Variants in CT55 observed in about 807,000 individuals in gnomAD.
The protein encoded by CT55 is cancer/testis antigen 55, also known as BRCA2-interacting protein.
In CT55, 1 loss-of-function variant was observed where a neutral mutation model predicts 12.6. The ratio of observed to expected loss-of-function variants is 0.08; its 90% CI spans 0.03 to 0.38. The LOEUF (loss-of-function observed/expected upper bound fraction) is 0.38. Ranked by LOEUF, CT55 falls within the 10% of genes least tolerant of loss-of-function variation. The pLI is 0.99. For synonymous variants in CT55, 43 were observed against 49.7 expected (o/e 0.87, Z 0.57); for missense variants, 109 against 135.4 (o/e 0.80, Z 0.97).
chrX:135,164,063 G>A (rs1260810638), intron 2 of CT55, among the ~76,000 whole-genome samples: 6 of 111,711 alleles, frequency 5.4e-5, no homozygotes, highest in Non-Finnish European at 9.4e-5. Context: ...TCCAACTGAC[G>A]TAAGGGACGC....
intron 3 of CT55, among the ~76,000 whole-genome samples, chrX:135,159,688 A>G (rs1369463370): frequency 9.0e-6 from 1 of 111,235 alleles, no homozygotes; most frequent in Non-Finnish European, 1.9e-5. Context: ...CCTTCCCCTC[A>G]TAGTCTCTTC....
intron 2 of CT55, 93 bp from the exon 3 acceptor site, chrX:135,160,648 C>A: frequency 1.0e-6 from 1 of 979,936 alleles, no homozygotes; most frequent in Non-Finnish European, 1.4e-6. Flanking sequence ...AAAATATTTT[C>A]AACAGCCATC....
intron 2 of CT55, among the ~76,000 whole-genome samples, chrX:135,164,018 G>A (rs782020699): frequency 2.7e-5 from 3 of 111,611 alleles, no homozygotes; most frequent in East Asian, 2.8e-4. Context: ...CCTCACCACC[G>A]CAACTGTCTT....
chrX:135,160,527 C>T lies in CT55; in HGVS notation c.308G>A (p.Gly103Asp). Residue 103 changes from glycine (G) to aspartate (D), a missense_variant, in exon 3 of 6, where the codon GGT becomes GAT. Transcript: ENST00000276241. ...GGTTCCTGAGTCTGAGGGTCCAGCA[C>T]CATAAAGATGGCGAGGCACAACATC... is the stretch of plus-strand genomic sequence containing the variant. ...KVDVVPRHLYGAGPSDSGTRV... is the reference protein window; with the variant it reads ...KVDVVPRHLYDAGPSDSGTRV... 6.7e-6 allele frequency: 8 copies of T among 1,192,943 alleles called. No homozygotes were observed. The highest frequency in any genetic ancestry group is 9.0e-6 in the Non-Finnish European group (8 of 890,159).
chrX:135,161,416 A>C (rs1471146346), intron 2 of CT55, among the ~76,000 whole-genome samples: 1 of 112,141 alleles, frequency 8.9e-6, no homozygotes, highest in Non-Finnish European at 1.9e-5. Context: ...ACTCATCCTG[A>C]TGTTTTTGTC....
At chrX:135,166,416 G>A (rs1215168763) in intron 2 of CT55, among the ~76,000 whole-genome samples, 21 of 111,289 alleles carry the variant, frequency 1.9e-4, no homozygotes, top group Non-Finnish European at 3.8e-4. Context: ...ACCTCTTCGT[G>A]ACTAAAAACT....
intron 2 of CT55, among the ~76,000 whole-genome samples, chrX:135,167,153 T>A (rs1274792526): frequency 1.8e-5 from 2 of 111,951 alleles, no homozygotes; most frequent in African/African-American, 6.5e-5. Context: ...CAGTCTGGAA[T>A]ACAAGGAACA....
At position 135,171,214 on chromosome X, in the gene CT55, A is replaced by G. The variant is rs1395871071; in HGVS notation, c.-43T>C. 9 of 1,205,321 alleles carry G rather than the reference A, an allele frequency of 7.5e-6. No homozygotes were observed. Among genetic ancestry groups the G allele is most frequent in the African/African-American group, 1.8e-5 (1 of 57,125 alleles). ...CCGGCCTGGGCACCGCTTGTGGCAG[A>G]TGAAGCACGAGGCCTCCTCAGTAAG... On this transcript the variant is annotated 5_prime_UTR_variant, in exon 1 of 6. Coordinates refer to ENST00000276241, the MANE Select transcript of CT55 (RefSeq NM_001031705.3).
chrX:135,170,684 A>G (rs2083607115), intron 1 of CT55, among the ~76,000 whole-genome samples: 1 of 111,465 alleles, frequency 9.0e-6, no homozygotes, highest in African/African-American at 3.3e-5. Context: ...TTGGGATCAG[A>G]TAAGTATGAG....
chrX:135,166,560 C>T (rs1465884792), intron 2 of CT55, among the ~76,000 whole-genome samples: 2 of 111,728 alleles, frequency 1.8e-5, no homozygotes, highest in Admixed American at 1.9e-4. Context: ...ACAGAAATGC[C>T]CACTTTTGCC....
At chrX:135,160,685 T>C (rs1434598254) in intron 2 of CT55, 130 bp from the exon 3 acceptor site, 5 of 735,907 alleles carry the variant, frequency 6.8e-6, no homozygotes, top group Admixed American at 4.8e-5. Flanking sequence ...ATAGTTCACT[T>C]GGTAAGTGGA....
At position 135,160,362 on chromosome X, in the gene CT55, T is replaced by C. The variant is rs1556404952; in HGVS notation, c.424+49A>G. 9 of 1,108,164 alleles carry C rather than the reference T, an allele frequency of 8.1e-6. No homozygotes were observed. The Admixed American group carries it at 3.2e-4, about 39-fold the overall frequency. The allele number at this position is 1,108,164 out of a possible 1,213,427, so 91.3% of individuals were successfully genotyped here. ...AAAAGTTGTTCCAGGACTAAAATCC[T>C]CTCAAAAAATTAAGAATTACATCAT... On this transcript the variant is annotated intron_variant, in intron 3 of 5. Transcript: ENST00000276241.
At chrX:135,162,470 T>C (rs2083566740) in intron 2 of CT55, among the ~76,000 whole-genome samples, 1 of 112,154 alleles carries the variant, frequency 8.9e-6, no homozygotes, top group Admixed American at 9.4e-5. Flanking sequence ...AAAACTATCC[T>C]TGTATGAAAA....
intron 2 of CT55, among the ~76,000 whole-genome samples, chrX:135,166,065 C>T (rs1416301954): frequency 1.9e-5 from 1 of 53,527 alleles, no homozygotes; most frequent in Non-Finnish European, 3.3e-5. Flanking sequence ...AAAAAAAAAA[C>T]GGACAAGAGA....
At position 135,171,326 on chromosome X, in the gene CT55, G is replaced by GC. The variant is rs2083610260; in HGVS notation, c.-156dup. 5 of 1,019,383 alleles carry GC rather than the reference G, an allele frequency of 4.9e-6. No homozygotes were observed. The East Asian group carries it at 1.7e-4, about 35-fold the overall frequency. 84.0% of individuals were successfully genotyped at this position (1,019,383 alleles called of 1,213,427 possible). A position where few individuals can be genotyped will look rare whatever the true frequency, so the allele number is the denominator to read the frequency against. On this transcript the variant is annotated 5_prime_UTR_variant, in exon 1 of 6. Transcript: ENST00000276241. ...TGGCATGGGACCCACCCGTTAGTGA[G>GC]CCCCCCTCAGGAGAGTCAGGGACAC...
chrX:135,160,266 T>G, intron 3 of CT55, 145 bp downstream of exon 3: 1 of 557,883 alleles, frequency 1.8e-6, no homozygotes, highest in Non-Finnish European at 2.7e-6. Context: ...GCCCCTATAC[T>G]GTACTTAATT....
chrX:135,160,706 G>A, intron 2 of CT55, 151 bp from the exon 3 acceptor site: 1 of 602,629 alleles, frequency 1.7e-6, no homozygotes, highest in South Asian at 4.5e-5. Flanking sequence ...CCATTGACTT[G>A]AGATGACAGT....
intron 3 of CT55, among the ~76,000 whole-genome samples, 185 bp downstream of exon 3, chrX:135,160,226 A>G (rs2083556874): frequency 9.0e-6 from 1 of 111,503 alleles, no homozygotes; most frequent in African/African-American, 3.3e-5. Flanking sequence ...ACAATAACCA[A>G]CAGCACACAA....
At chrX:135,166,473 A>T (rs2083585826) in intron 2 of CT55, among the ~76,000 whole-genome samples, 1 of 111,803 alleles carries the variant, frequency 8.9e-6, no homozygotes, top group African/African-American at 3.3e-5. Flanking sequence ...AATAAAGGTC[A>T]TATATGATAA....
Sources: gnomAD v4.1 joint callset for allele counts (sites outside exome capture counted in the v4.1 genomes callset) on GRCh38, gnomAD v4.1.1 for gene constraint, MANE v1.5 for transcripts, NCBI Gene and HGNC (gene_info 2026-07-23, HGNC 2026-07-21) for gene names.